LAMB4: variants seen among roughly 807,000 people sequenced by gnomAD.
LAMB4 encodes laminin subunit beta 4, also known as laminin subunit beta-4.
A neutral mutation model predicts 199.2 loss-of-function variants in LAMB4; 196 were observed. That is an observed-to-expected ratio of 0.98 (90% CI 0.88 to 1.11). LAMB4 has a LOEUF of 1.11. Among genes scored for constraint, LAMB4 ranks in the 50% least tolerant of loss-of-function variants. The probability of loss-of-function intolerance (pLI) is 0.00; values close to 1 mark genes in which losing one functional copy is unlikely to be tolerated. For synonymous variants in LAMB4, 744 were observed against 770.6 expected, an observed-to-expected ratio of 0.97 and a Z score of 0.57; for missense variants, 2,080 against 2,171.2, an observed-to-expected ratio of 0.96 and a Z score of 0.83.
At chr7:108,081,112 G>GAATAA (rs1034728607) in intron 14 of LAMB4, among the ~76,000 whole-genome samples, 19 of 152,100 alleles carry the variant, frequency 1.2e-4, no homozygotes, top group South Asian at 4.2e-4. Flanking sequence ...ACAGAGCGAG[G>GAATAA]AATAAAATAA....
chr7:108,098,583 C>T lies in LAMB4; in HGVS notation c.1181-1G>A, dbSNP rs1237729051. 4 of 1,592,588 alleles carry T rather than the reference C, an allele frequency of 2.5e-6. No individual in the cohort carries two copies. Among genetic ancestry groups the T allele is most frequent in the South Asian group, 1.1e-5 (1 of 87,500 alleles). ...GTCCCATCGGGGTCACATTCACAAGCTGGGGACACAGACATTCATTGTTTT... is the reference window on the plus strand; with the variant it reads ...GTCCCATCGGGGTCACATTCACAAGTTGGGGACACAGACATTCATTGTTTT... On this transcript the variant is annotated splice_acceptor_variant, in intron 10 of 33. Transcript: ENST00000388781. LOFTEE classifies it high-confidence loss of function.
chr7:108,066,300 G>T, intron 20 of LAMB4, 69 bp downstream of exon 20: 3 of 1,136,466 alleles, frequency 2.6e-6, no homozygotes, highest in East Asian at 2.4e-5. Flanking sequence ...TCTACTCAAT[G>T]GATCTCTATT....
chr7:108,111,264 A>G (rs1459116333), intron 4 of LAMB4, among the ~76,000 whole-genome samples: 2 of 152,228 alleles, frequency 1.3e-5, no homozygotes, highest in South Asian at 2.1e-4. Flanking sequence ...GTCAGCGCCA[A>G]TGTAGGCTCA....
intron 31 of LAMB4, 34 bp from the exon 32 acceptor site, chr7:108,031,013 C>A: frequency 1.3e-6 from 2 of 1,590,342 alleles, no homozygotes; most frequent in South Asian, 2.2e-5. Context: ...AAGGGAAAAT[C>A]TCTTTATGAA....
intron 23 of LAMB4, among the ~76,000 whole-genome samples, chr7:108,061,941 T>C (rs2036174880): frequency 6.6e-6 from 1 of 152,208 alleles, no homozygotes; most frequent in African/African-American, 2.4e-5. Context: ...TCCAGTTTCT[T>C]AAATTCGCAT....
chr7:108,089,743 G>C (rs978073659), intron 14 of LAMB4, among the ~76,000 whole-genome samples: 1 of 152,150 alleles, frequency 6.6e-6, no homozygotes, highest in African/African-American at 2.4e-5. Flanking sequence ...GCTCACTGCA[G>C]CCTCAACCTC....
chr7:108,092,532 C>T, intron 12 of LAMB4, 116 bp from the exon 13 acceptor site: 1 of 769,632 alleles, frequency 1.3e-6, no homozygotes, highest in Admixed American at 2.1e-5. Flanking sequence ...ACAGCCTGCA[C>T]CATCTCAGAG....
At position 108,055,987 on chromosome 7, in the gene LAMB4, C is replaced by T. The variant is rs2035972370; in HGVS notation, c.3400G>A (p.Gly1134Ser). The change falls in exon 25 of 34, where the codon GGT (glycine) becomes AGT (serine). Residue 1134 changes from glycine (G) to serine (S), a missense_variant. Transcript: ENST00000388781. Reference sequence around the variant, plus strand: ...GGATCACAGATGGGCTTCTGGGTACCTGCCCTGTTACAATCACATGCTAAA... The same window carrying T: ...GGATCACAGATGGGCTTCTGGGTACTTGCCCTGTTACAATCACATGCTAAA... ...RCIPCDCNRAGTQKPICDPDT... is the reference protein window; with the variant it reads ...RCIPCDCNRASTQKPICDPDT... The T allele has an allele frequency of 1.2e-6, 2 of 1,612,924 alleles. No individual in the cohort carries two copies. The highest frequency in any genetic ancestry group is 2.7e-5 in the African/African-American group (2 of 74,886).
In LAMB4 at chr7:108,062,975, G is replaced by A. The variant is rs144037364; in HGVS notation, c.3081C>T (p.Ser1027=). The A allele has an allele frequency of 2.6e-4, 417 of 1,577,936 alleles. 1 individual carries two copies. Among genetic ancestry groups the A allele is most frequent in the Middle Eastern group, 6.8e-4 (4 of 5,916 alleles). Reference sequence around the variant, plus strand: ...GGGGACACTCCATGGGACTCACGCCGGAAGCATGGCAGGAGCATCCTGTGA... The same window carrying A: ...GGGGACACTCCATGGGACTCACGCCAGAAGCATGGCAGGAGCATCCTGTGA... The part of the protein sequence containing the change: ...QTCRRCSCHA[S]GVSPMECPPG... The change falls in exon 23 of 34, where the codon TCC becomes TCT. Residue 1027 remains serine (S), a synonymous_variant. Coordinates refer to ENST00000388781, the MANE Select transcript of LAMB4 (RefSeq NM_007356.3).
rs1288773170 is a variant in LAMB4, at chr7:108,037,522, G to A, written c.4545C>T (p.Ser1515=). ...GVLDIHLPIP[S]QNLTDELVKI... ...TGACAAGTTCATCGGTTAGATTTTG[G>A]GATGGAATTGGTAGGTGAATGTCAA... The change falls in exon 30 of 34, where the codon TCC becomes TCT. Residue 1515 remains serine (S), a synonymous_variant. Transcript: ENST00000388781. 6.2e-7 allele frequency: 1 copy of A among 1,614,056 alleles called. No homozygotes were observed. The highest frequency in any genetic ancestry group is 1.7e-5 in the Admixed American group (1 of 60,022).
chr7:108,063,687 T>G, intron 22 of LAMB4, 74 bp downstream of exon 22: 1 of 1,300,482 alleles, frequency 7.7e-7, no homozygotes, highest in Non-Finnish European at 1.1e-6. Context: ...GAAATGATCA[T>G]GGGAGAGCTG....
chr7:108,056,514 T>TA (rs1382427785), intron 24 of LAMB4, among the ~76,000 whole-genome samples: 1 of 152,192 alleles, frequency 6.6e-6, no homozygotes, highest in Non-Finnish European at 1.5e-5. Flanking sequence ...TGTCTTAATT[T>TA]AAAAAAATTA....
intron 31 of LAMB4, among the ~76,000 whole-genome samples, chr7:108,031,240 T>C (rs2035020404): frequency 6.6e-6 from 1 of 150,672 alleles, no homozygotes; most frequent in Admixed American, 6.6e-5. Flanking sequence ...GGAGGATTGC[T>C]TGAGCCCAGG....
intron 10 of LAMB4, among the ~76,000 whole-genome samples, chr7:108,101,142 C>A (rs764795273): frequency 1.3e-5 from 2 of 152,138 alleles, no homozygotes; most frequent in Non-Finnish European, 2.9e-5. Context: ...TATGGATATA[C>A]CCTAAGAAGC....
intron 9 of LAMB4, 30 bp downstream of exon 9, chr7:108,104,467 TCA>T: frequency 6.2e-7 from 1 of 1,613,100 alleles, no homozygotes; most frequent in Non-Finnish European, 8.5e-7. Flanking sequence ...CAGAGCACAC[TCA>T]GTCTATGCAG....
chr7:108,094,704 A>G (rs2037531624), intron 12 of LAMB4, among the ~76,000 whole-genome samples: 3 of 152,104 alleles, frequency 2.0e-5, no homozygotes. Context: ...TTATTTTACT[A>G]ATTTTAGATG....
chr7:108,127,929 G>C (rs537504267), intron 1 of LAMB4, among the ~76,000 whole-genome samples: 25 of 152,276 alleles, frequency 1.6e-4, no homozygotes, highest in Middle Eastern at 3.4e-3. Context: ...AACTTAAGCA[G>C]ACCCTGAGAA....
Position 108,104,463 on chromosome 7 carries a change from A to G in LAMB4, c.991+36T>C, listed in dbSNP as rs369168466. ...TTTCTTAAATAAGGAAATGCAGAGC[A>G]CACTCAGTCTATGCAGGGAACTGAG... On this transcript the variant is annotated intron_variant, in intron 9 of 33. Coordinates refer to ENST00000388781, the MANE Select transcript of LAMB4 (RefSeq NM_007356.3). 4.3e-6 allele frequency: 7 copies of G among 1,612,194 alleles called. No individual in the cohort carries two copies. In the African/African-American group the frequency reaches 8.0e-5, roughly 18 times the overall value.
At chr7:108,089,180 T>C (rs1366122785) in intron 14 of LAMB4, among the ~76,000 whole-genome samples, 3 of 152,192 alleles carry the variant, frequency 2.0e-5, no homozygotes, top group Non-Finnish European at 4.4e-5. Flanking sequence ...ATCATCCCTA[T>C]GTCTCATTCT....
Sources: allele counts gnomAD v4.1 joint callset (sites outside exome capture counted in the v4.1 genomes callset), GRCh38; gene constraint gnomAD v4.1.1; transcripts MANE v1.5; gene names NCBI Gene and HGNC (gene_info 2026-07-23, HGNC 2026-07-21).